Variants in ATP11C observed in about 807,000 individuals in gnomAD.
ATP11C encodes phospholipid-transporting ATPase IG.
ATP11C carries 36 observed loss-of-function variants against 97.4 expected under a neutral mutation model. The observed-to-expected ratio is 0.37, with a 90% CI of 0.28 to 0.49. ATP11C has a LOEUF of 0.49. ATP11C is among the 20% of genes least tolerant of loss of function. ATP11C has a pLI of 0.98. For missense variants in ATP11C, 730 were observed against 824.6 expected (o/e 0.89, Z 1.40); for synonymous variants, 275 against 290.9 (o/e 0.95, Z 0.56).
chrX:139,855,840 C>T (rs1264927935), intron 1 of ATP11C, among the ~76,000 whole-genome samples: 2 of 111,343 alleles, frequency 1.8e-5, no homozygotes, highest in Non-Finnish European at 3.8e-5. Flanking sequence ...GGGGAGATTT[C>T]GATAAAGACC....
At chrX:139,770,874 C>G (rs1040186923) in intron 19 of ATP11C, among the ~76,000 whole-genome samples, 2 of 111,880 alleles carry the variant, frequency 1.8e-5, no homozygotes, top group Non-Finnish European at 3.8e-5. Context: ...CAAATTCATG[C>G]TGAAGCCCTA....
chrX:139,788,753 C>T (rs1171153127), intron 13 of ATP11C, among the ~76,000 whole-genome samples: 1 of 112,239 alleles, frequency 8.9e-6, no homozygotes, highest in Non-Finnish European at 1.9e-5. Flanking sequence ...GAGGAGCTTA[C>T]ATTTTAAAAG....
At chrX:139,835,041 T>C (rs1438858757) in intron 1 of ATP11C, among the ~76,000 whole-genome samples, 1 of 112,190 alleles carries the variant, frequency 8.9e-6, no homozygotes, top group Non-Finnish European at 1.9e-5. Context: ...CAAACATGTC[T>C]ACATATCTGG....
At chrX:139,778,140 G>A (rs771420879) in intron 18 of ATP11C, among the ~76,000 whole-genome samples, 2 of 111,607 alleles carry the variant, frequency 1.8e-5, no homozygotes, top group African/African-American at 3.3e-5. Context: ...ACAGGTATAA[G>A]CCACCATACC....
chrX:139,815,606 T>C (rs1198658583), intron 4 of ATP11C, among the ~76,000 whole-genome samples: 2 of 112,056 alleles, frequency 1.8e-5, no homozygotes, highest in East Asian at 5.6e-4. Context: ...CAGAGAAAGA[T>C]CTAATGGCTC....
intron 1 of ATP11C, among the ~76,000 whole-genome samples, chrX:139,832,494 AT>A (rs1374416339): frequency 8.9e-6 from 1 of 112,608 alleles, no homozygotes; most frequent in Non-Finnish European, 1.9e-5. Context: ...TAACTTCTGT[AT>A]TTTAAGGTGT....
chrX:139,820,745 G>A (rs1205071092), intron 2 of ATP11C, among the ~76,000 whole-genome samples: 1 of 111,422 alleles, frequency 9.0e-6, no homozygotes, highest in African/African-American at 3.3e-5. Context: ...ATCGTACTTT[G>A]TCCCTGATAC....
intron 1 of ATP11C, among the ~76,000 whole-genome samples, chrX:139,896,544 TATACACAC>T (rs1569487975): frequency 5.9e-5 from 4 of 67,404 alleles, no homozygotes; most frequent in African/African-American, 2.5e-4. Flanking sequence ...CAGTTAATTT[TATACACAC>T]ACACACACAC....
chrX:139,838,549 TTACCA>T (rs201883863), intron 1 of ATP11C, among the ~76,000 whole-genome samples: 1,551 of 112,139 alleles, frequency 0.014, 14 homozygotes, highest in Non-Finnish European at 0.022. Context: ...AAACATAGAA[TTACCA>T]TATGACCCCA....
Position 139,819,430 on chromosome X carries a change from G to T in ATP11C, c.148-3C>A. On this transcript the variant is annotated splice_region_variant and splice_polypyrimidine_tract_variant and intron_variant, in intron 2 of 29. Coordinates refer to ENST00000682941, the MANE Select transcript of ATP11C (RefSeq NM_001353812.2). Reference sequence around the variant, plus strand: ...GGGAGAAAATTCCAAAGTGTATACTGTAAGGGAGGAAGAAAAAAGAACACT... The same window carrying T: ...GGGAGAAAATTCCAAAGTGTATACTTTAAGGGAGGAAGAAAAAAGAACACT... The T allele has an allele frequency of 9.9e-7, 1 of 1,005,896 alleles. No homozygotes were observed. The highest frequency in any genetic ancestry group is 1.3e-6 in the Non-Finnish European group (1 of 745,630). 82.9% of individuals were successfully genotyped at this position (1,005,896 alleles called of 1,213,427 possible). A position where few individuals can be genotyped will look rare whatever the true frequency, so the allele number is the denominator to read the frequency against.
intron 3 of ATP11C, among the ~76,000 whole-genome samples, chrX:139,817,666 A>G (rs1426092968): frequency 8.9e-6 from 1 of 112,478 alleles, no homozygotes; most frequent in African/African-American, 3.2e-5. Flanking sequence ...ACAAGAGTGA[A>G]GGCAGGGAGT....
intron 5 of ATP11C, among the ~76,000 whole-genome samples, chrX:139,814,230 T>C (rs1057298792): frequency 9.0e-6 from 1 of 110,885 alleles, no homozygotes; most frequent in African/African-American, 3.3e-5. Context: ...GAATAAACAA[T>C]TGCCTGAGAT....
chrX:139,822,423 G>T (rs201407784), intron 2 of ATP11C, among the ~76,000 whole-genome samples: 4 of 91,781 alleles, frequency 4.4e-5, no homozygotes, highest in African/African-American at 9.9e-5. Flanking sequence ...TTGTTTGTTT[G>T]TTTTTTTTGA....
chrX:139,809,062 G>A (rs1488381628), intron 5 of ATP11C, among the ~76,000 whole-genome samples: 9 of 108,773 alleles, frequency 8.3e-5, no homozygotes, highest in Non-Finnish European at 1.7e-4. Flanking sequence ...GCAGTGAGCC[G>A]AGATCGTGCC....
chrX:139,755,972 A>G (rs1236700314), intron 23 of ATP11C, among the ~76,000 whole-genome samples: 2 of 112,594 alleles, frequency 1.8e-5, no homozygotes, highest in African/African-American at 3.2e-5. Context: ...AAAAACTGAC[A>G]AATGTTACCT....
At chrX:139,828,723 G>A (rs960107561) in intron 1 of ATP11C, among the ~76,000 whole-genome samples, 1 of 111,928 alleles carries the variant, frequency 8.9e-6, no homozygotes, top group Non-Finnish European at 1.9e-5. Flanking sequence ...TCTACAAGTG[G>A]AAAGGGGGAA....
At chrX:139,812,869 T>C (rs1455382953) in intron 5 of ATP11C, among the ~76,000 whole-genome samples, 3 of 111,934 alleles carry the variant, frequency 2.7e-5, no homozygotes, top group African/African-American at 9.7e-5. Context: ...TACAGTTGTT[T>C]CAAAAACTTC....
At chrX:139,852,121 T>C (rs998553719) in intron 1 of ATP11C, among the ~76,000 whole-genome samples, 1 of 107,759 alleles carries the variant, frequency 9.3e-6, no homozygotes, top group Non-Finnish European at 1.9e-5. Context: ...TGCAGTGAGA[T>C]GTTATCATGC....
intron 1 of ATP11C, among the ~76,000 whole-genome samples, chrX:139,884,692 G>C (rs906620787): frequency 8.9e-6 from 1 of 111,813 alleles, no homozygotes; most frequent in Non-Finnish European, 1.9e-5. Flanking sequence ...ATTTTGACTT[G>C]AGAAGGAGTG....
Sources: gnomAD v4.1 joint callset for allele counts (sites outside exome capture counted in the v4.1 genomes callset) on GRCh38, gnomAD v4.1.1 for gene constraint, MANE v1.5 for transcripts, NCBI Gene and HGNC (gene_info 2026-07-23, HGNC 2026-07-21) for gene names.